ZFR2: variants seen among roughly 807,000 people sequenced by gnomAD.
The protein encoded by ZFR2 is zinc finger RNA-binding protein 2.
In ZFR2, 104 loss-of-function variants were observed where a neutral mutation model predicts 105.7. The ratio of observed to expected loss-of-function variants is 0.98; its 90% CI spans 0.84 to 1.16. The LOEUF is 1.16. Ranked by LOEUF, ZFR2 falls within the 50% of genes most tolerant of loss-of-function variation. The pLI, the probability that ZFR2 is intolerant of heterozygous loss-of-function variation, is 0.00. For missense variants in ZFR2, 1,425 were observed against 1,355.5 expected (o/e 1.05, Z -0.80); for synonymous variants, 634 against 597.7 (o/e 1.06, Z -0.89).
intron 1 of ZFR2, among the ~76,000 whole-genome samples, chr19:3,835,501 T>G (rs2038070084): frequency 6.6e-6 from 1 of 151,042 alleles, no homozygotes; most frequent in Admixed American, 6.6e-5. Context: ...TTTTTTTTTT[T>G]TTTTTGTATT....
intron 13 of ZFR2, among the ~76,000 whole-genome samples, chr19:3,815,960 T>A (rs2037821129): frequency 1.3e-5 from 2 of 151,944 alleles, no homozygotes; most frequent in South Asian, 4.1e-4. Flanking sequence ...TTTCACCGTG[T>A]TAGCCAGGAT....
intron 1 of ZFR2, among the ~76,000 whole-genome samples, chr19:3,867,611 T>G (rs1418894312): frequency 6.6e-6 from 1 of 151,906 alleles, no homozygotes; most frequent in Non-Finnish European, 1.5e-5. Flanking sequence ...AAAAGGATCT[T>G]AAATATCACA....
intron 1 of ZFR2, among the ~76,000 whole-genome samples, chr19:3,845,439 T>C (rs974299660): frequency 6.8e-6 from 1 of 147,956 alleles, no homozygotes; most frequent in Non-Finnish European, 1.5e-5. Flanking sequence ...CTGGGCAACA[T>C]AGTGCTACCC....
At chr19:3,836,053 C>T (rs898070264) in intron 1 of ZFR2, among the ~76,000 whole-genome samples, 1 of 152,090 alleles carries the variant, frequency 6.6e-6, no homozygotes, top group Admixed American at 6.6e-5. Context: ...TGCTTGAGTC[C>T]CTGACATAGA....
At chr19:3,864,996 G>T (rs1282686968) in intron 1 of ZFR2, among the ~76,000 whole-genome samples, 1 of 151,922 alleles carries the variant, frequency 6.6e-6, no homozygotes, top group Non-Finnish European at 1.5e-5. Flanking sequence ...TGATCTACCC[G>T]CCTCGGCCTC....
rs1011301371 is a variant in ZFR2, at chr19:3,838,106, C to T, written c.54-3123G>A. On this transcript the variant is annotated intron_variant, in intron 1 of 18. Transcript: ENST00000262961. This position sits in a 1 kb window ranked among gnomAD's most constrained non-coding sequence, Gnocchi z 4.9. ...CGTGACACGCGATGAACACCGTGAC[C>T]GTGACACTCGATGAACACCGTGACT... 6.9e-6 allele frequency among the ~76,000 whole-genome samples: 1 copy of T among 144,658 alleles called. No homozygotes were observed. The highest frequency in any genetic ancestry group is 1.5e-5 in the Non-Finnish European group (1 of 66,874). 94.9% of individuals were successfully genotyped at this position (144,658 alleles called of 152,430 possible).
At position 3,805,293 on chromosome 19, in the gene ZFR2, C is replaced by T. The variant is rs940456638; in HGVS notation, c.*656G>A. ...CCCCCCTGGCTGTGGGGGATGGGGC[C>T]CTCGAGGAAGGGGTGCCACTCCCAG... On this transcript the variant is annotated 3_prime_UTR_variant, in exon 19 of 19. Coordinates refer to ENST00000262961, the MANE Select transcript of ZFR2 (RefSeq NM_015174.2). 7.2e-5 allele frequency: 11 copies of T among 152,230 alleles called. No homozygotes were observed. Among genetic ancestry groups the T allele is most frequent in the African/African-American group, 2.7e-4 (11 of 41,422 alleles). The allele number at this position is 152,230 out of a possible 1,614,324, so 9.4% of individuals were successfully genotyped here.
intron 13 of ZFR2, 117 bp from the exon 14 acceptor site, chr19:3,814,075 G>A: frequency 6.8e-7 from 1 of 1,462,058 alleles, no homozygotes; most frequent in Non-Finnish European, 9.2e-7. Flanking sequence ...CACACTTGCT[G>A]CCTGGGTGCC....
At chr19:3,810,621 T>C in intron 16 of ZFR2, 129 bp downstream of exon 16, 1 of 819,950 alleles carries the variant, frequency 1.2e-6, no homozygotes, top group Non-Finnish European at 1.8e-6. Flanking sequence ...TCCCACGGCC[T>C]CTCCTGAGTA....
At chr19:3,849,025 C>T (rs1278405010) in intron 1 of ZFR2, among the ~76,000 whole-genome samples, 1 of 145,098 alleles carries the variant, frequency 6.9e-6, no homozygotes. Context: ...AAACAAAAAC[C>T]AAACAAACAA....
At chr19:3,822,008 C>CAG in intron 9 of ZFR2, 73 bp downstream of exon 9, 8 of 1,514,706 alleles carry the variant, frequency 5.3e-6, no homozygotes, top group Admixed American at 2.1e-5. Flanking sequence ...GAGGCCCGAC[C>CAG]ACAGGCCTCC....
rs537297885 is a variant in ZFR2 at position 3,851,501 on chromosome 19, C to T, written c.54-16518G>A. Among the ~76,000 whole-genome samples, 20 of 152,318 alleles carry T rather than the reference C, an allele frequency of 1.3e-4. No homozygotes were observed. In the South Asian group the frequency reaches 2.5e-3, roughly 19 times the overall value. On this transcript the variant is annotated intron_variant, in intron 1 of 18. Coordinates refer to ENST00000262961, the MANE Select transcript of ZFR2 (RefSeq NM_015174.2). Reference sequence around the variant, plus strand: ...GCATGCACACACTGCTGTTCCATTCCACTAAGCATGCTTACACGAGGAAGT... The same window carrying T: ...GCATGCACACACTGCTGTTCCATTCTACTAAGCATGCTTACACGAGGAAGT...
At chr19:3,826,539 A>G (rs954966749) in intron 6 of ZFR2, among the ~76,000 whole-genome samples, 2 of 151,628 alleles carry the variant, frequency 1.3e-5, no homozygotes, top group African/African-American at 4.8e-5. Context: ...GGGTTCAAGC[A>G]ATTCTCCTGC....
Position 3,807,227 on chromosome 19 carries a change from T to G in ZFR2, c.2588A>C (p.Asp863Ala). Residue 863 changes from aspartate to alanine, a missense_variant, in exon 18 of 19, where the codon GAT becomes GCT. Physicochemically the swap from Asp to Ala is moderately radical, Grantham distance 126. Coordinates refer to ENST00000262961, the MANE Select transcript of ZFR2 (RefSeq NM_015174.2). Reference sequence around the variant, plus strand: ...TTGGAGGGTCATGGGCTCGAGGGCATCTGTCTGGTCTCTCTCGCAGGGATC... The same window carrying G: ...TTGGAGGGTCATGGGCTCGAGGGCAGCTGTCTGGTCTCTCTCGCAGGGATC... ...LQDPCERDQT[D>A]ALEPMTLQER... 6.4e-7 allele frequency: 1 copy of G among 1,561,764 alleles called. No homozygotes were observed. The highest frequency in any genetic ancestry group is 8.7e-7 in the Non-Finnish European group (1 of 1,152,280).
Position 3,827,588 on chromosome 19 carries a change from C to T in ZFR2, c.918G>A (p.Val306=), listed in dbSNP as rs1159329798. The T allele has an allele frequency of 6.3e-7, 1 of 1,576,164 alleles. No homozygotes were observed. The highest frequency in any genetic ancestry group is 1.4e-5 in the African/African-American group (1 of 74,028). The part of the protein sequence containing the change: ...RKKEAAQKTG[V]QPNGSPRGVQ... ...CCCCGCGCGGGCTCCCGTTGGGCTG[C>T]ACGCCTGTCTTCTGGGCCGCCTCCT... Residue 306 remains valine, a synonymous_variant, in exon 6 of 19, where the codon GTG becomes GTA. Coordinates refer to ENST00000262961, the MANE Select transcript of ZFR2 (RefSeq NM_015174.2).
chr19:3,859,357 T>A (rs2038344028), intron 1 of ZFR2, among the ~76,000 whole-genome samples: 1 of 152,200 alleles, frequency 6.6e-6, no homozygotes, highest in African/African-American at 2.4e-5. Flanking sequence ...GTTTGGGGAC[T>A]CGGACTGATC....
intron 10 of ZFR2, among the ~76,000 whole-genome samples, chr19:3,820,689 G>C (rs1300937699): frequency 6.6e-6 from 1 of 150,636 alleles, no homozygotes; most frequent in African/African-American, 2.5e-5. Context: ...GACTCCAGGG[G>C]TCAAGGGGAC....
At chr19:3,867,469 C>T (rs935187802) in intron 1 of ZFR2, among the ~76,000 whole-genome samples, 1 of 151,934 alleles carries the variant, frequency 6.6e-6, no homozygotes, top group African/African-American at 2.4e-5. Context: ...ACAAACTTAC[C>T]CCGTGTGTGT....
At chr19:3,826,290 C>G (rs2037948771) in intron 6 of ZFR2, among the ~76,000 whole-genome samples, 1 of 152,126 alleles carries the variant, frequency 6.6e-6, no homozygotes, top group Non-Finnish European at 1.5e-5. Context: ...CTCCAGGCAG[C>G]TGGGGGAGAG....
Sources: gnomAD v4.1 joint callset for allele counts (sites outside exome capture counted in the v4.1 genomes callset) on GRCh38, gnomAD v4.1.1 for gene constraint, Gnocchi (gnomAD v3.1) non-coding constraint, MANE v1.5 for transcripts, NCBI Gene and HGNC (gene_info 2026-07-23, HGNC 2026-07-21) for gene names.